The following LRRC37A variants were observed in gnomAD, a reference collection of about 807,000 sequenced individuals.
LRRC37A encodes the protein leucine rich repeat containing 37A, also known as leucine-rich repeat-containing protein 37A.
In LRRC37A, 3 loss-of-function variants were observed where a neutral mutation model predicts 35.4. The observed-to-expected ratio is 0.08, with a 90% CI of 0.04 to 0.22. The LOEUF is 0.22. Among genes scored for constraint, LRRC37A ranks in the 10% least tolerant of loss-of-function variants. LRRC37A has a pLI of 1.00. For synonymous variants in LRRC37A, 23 were observed against 215.0 expected (o/e 0.11, Z 7.81); for missense variants, 67 against 565.3 (o/e 0.12, Z 8.94).
At chr17:46,249,817 G>T in the LRRC37A span, among the ~76,000 whole-genome samples, 3 of 152,170 alleles carry the variant, frequency 2.0e-5, no homozygotes, top group Non-Finnish European at 4.4e-5. Context: ...CTGATTGTTT[G>T]TTTTTGAGAT....
the LRRC37A span, among the ~76,000 whole-genome samples, chr17:46,284,881 T>C: frequency 6.6e-6 from 1 of 152,188 alleles, no homozygotes; most frequent in Non-Finnish European, 1.5e-5. Context: ...TTTCCCCCCA[T>C]TGTTTTGAGA....
chr17:46,267,921 G>A, the LRRC37A span, among the ~76,000 whole-genome samples: 2 of 63,652 alleles, frequency 3.1e-5, no homozygotes, highest in South Asian at 4.2e-4. Flanking sequence ...TTTTTTTTTA[G>A]ACAGAGTCTC....
At chr17:46,317,596 TCTC>T (rs898387450) in intron 5 of LRRC37A, among the ~76,000 whole-genome samples, 1 of 18,894 alleles carries the variant, frequency 5.3e-5, no homozygotes, top group African/African-American at 1.2e-4. Flanking sequence ...CTGTTTTTCT[TCTC>T]CTGGGACGCT....
At chr17:46,253,665 G>C in the LRRC37A span, among the ~76,000 whole-genome samples, 1 of 149,378 alleles carries the variant, frequency 6.7e-6, no homozygotes, top group Admixed American at 6.7e-5. Context: ...AGGAGAATCA[G>C]GCAGGGAGGT....
At chr17:46,289,203 A>G (rs2050000733), upstream of LRRC37A, among the ~76,000 whole-genome samples, 1 of 152,192 alleles carries the variant, frequency 6.6e-6, no homozygotes, top group Non-Finnish European at 1.5e-5. Flanking sequence ...TTATTTGGAG[A>G]TAAGAGTCTC....
the LRRC37A span, among the ~76,000 whole-genome samples, chr17:46,284,764 A>G: frequency 6.6e-6 from 1 of 152,268 alleles, no homozygotes; most frequent in East Asian, 1.9e-4. Flanking sequence ...ATGTTAGATA[A>G]CATTCAACCA....
chr17:46,258,203 T>C, the LRRC37A span, among the ~76,000 whole-genome samples: 2 of 151,364 alleles, frequency 1.3e-5, no homozygotes, highest in African/African-American at 4.8e-5. Flanking sequence ...TTCTAAGTCA[T>C]TATATGAAAG....
At chr17:46,257,237 A>T in the LRRC37A span, among the ~76,000 whole-genome samples, 1 of 152,070 alleles carries the variant, frequency 6.6e-6, no homozygotes, top group Non-Finnish European at 1.5e-5. Flanking sequence ...ACCTGAGGTC[A>T]GGAGTTCAAG....
At chr17:46,267,647 G>T in the LRRC37A span, 2 of 1,369,454 alleles carry the variant, frequency 1.5e-6, no homozygotes, top group South Asian at 1.2e-5. Flanking sequence ...ATTGTAACAT[G>T]ATTAGGATTT....
chr17:46,332,751 CTGCTGCTACTTG>C lies in LRRC37A; in HGVS notation c.4809+96_4809+107del, dbSNP rs1265621298. ...CTGAAAACCAAAGCCACTTTCCCAC[CTGCTGCTACTTG>C]ACATACTTCTTCAGTCATTTAAGGC... On this transcript the variant is annotated intron_variant, in intron 10 of 13. Transcript: ENST00000320254. The C allele has an allele frequency of 1.3e-5, 6 of 452,230 alleles. No individual in the cohort carries two copies. The African/African-American group carries it at 1.3e-4, about 10-fold the overall frequency. The allele number at this position is 452,230 out of a possible 1,614,324, so 28.0% of individuals were successfully genotyped here.
At chr17:46,322,348 CTGT>C in exon 6 of LRRC37A, 1 of 838,482 alleles carries the variant, frequency 1.2e-6, no homozygotes, top group Non-Finnish European at 1.7e-6. Context: ...CCTCTGACAA[CTGT>C]TGAAGATCCG....
the LRRC37A span, among the ~76,000 whole-genome samples, chr17:46,273,728 G>A: frequency 6.6e-6 from 1 of 152,186 alleles, no homozygotes; most frequent in Non-Finnish European, 1.5e-5. Flanking sequence ...ACATTGAAAG[G>A]AAGAACATGC....
At chr17:46,311,177 C>T in intron 5 of LRRC37A, 4 of 388,700 alleles carry the variant, frequency 1.0e-5, no homozygotes, top group South Asian at 2.6e-5. Flanking sequence ...CTCACCATTT[C>T]AGATTCTCTA....
the LRRC37A span, among the ~76,000 whole-genome samples, chr17:46,255,902 C>T: frequency 6.6e-6 from 1 of 151,634 alleles, no homozygotes; most frequent in Non-Finnish European, 1.5e-5. Context: ...GTCTCGATCT[C>T]CTGACCTCGT....
the LRRC37A span, among the ~76,000 whole-genome samples, chr17:46,248,512 T>C: frequency 1.3e-5 from 2 of 152,180 alleles, no homozygotes; most frequent in East Asian, 1.9e-4. Context: ...ATTTGACTTC[T>C]TTCACTTAGC....
chr17:46,277,728 C>T, the LRRC37A span, among the ~76,000 whole-genome samples: 16,496 of 149,160 alleles, frequency 0.11, no homozygotes, highest in Non-Finnish European at 0.17. Flanking sequence ...CTCACTGCAA[C>T]CTCCTCCTCC....
the LRRC37A span, chr17:46,259,411 G>T: frequency 1.1e-6 from 1 of 890,318 alleles, no homozygotes; most frequent in Non-Finnish European, 1.7e-6. Context: ...CCCTGTCCCA[G>T]CAGGGAGGCT....
At chr17:46,282,902 T>A in the LRRC37A span, among the ~76,000 whole-genome samples, 1 of 152,198 alleles carries the variant, frequency 6.6e-6, no homozygotes, top group Non-Finnish European at 1.5e-5. Context: ...GCGGATCACC[T>A]GAGGTCAGGA....
At chr17:46,316,903 CAT>C (rs1239089032) in intron 5 of LRRC37A, among the ~76,000 whole-genome samples, 1 of 101,108 alleles carries the variant, frequency 9.9e-6, no homozygotes, top group Admixed American at 1.0e-4. Context: ...GGACACAGCA[CAT>C]GTTTCAGAGA....
Sources: allele counts gnomAD v4.1 joint callset (sites outside exome capture counted in the v4.1 genomes callset), GRCh38; gene constraint gnomAD v4.1.1; transcripts MANE v1.5; gene names NCBI Gene and HGNC (gene_info 2026-07-23, HGNC 2026-07-21).